PPP1R12A: variants seen among roughly 807,000 people sequenced by gnomAD.
PPP1R12A encodes myosin binding subunit.
In PPP1R12A, 19 loss-of-function variants were observed where a neutral mutation model predicts 139.6. The ratio of observed to expected loss-of-function variants is 0.14; its 90% CI spans 0.09 to 0.20. PPP1R12A has a LOEUF of 0.20. Among genes scored for constraint, PPP1R12A ranks in the 10% least tolerant of loss-of-function variants. The pLI is 1.00. For missense variants in PPP1R12A, 925 were observed against 1,211.5 expected, an observed-to-expected ratio of 0.76 and a Z score of 3.51; for synonymous variants, 427 against 420.6, an observed-to-expected ratio of 1.02 and a Z score of -0.19.
chr12:79,920,212 C>A (rs1182184154), intron 1 of PPP1R12A, among the ~76,000 whole-genome samples: 1 of 152,164 alleles, frequency 6.6e-6, no homozygotes, highest in African/African-American at 2.4e-5. Flanking sequence ...CTTTTTGCTA[C>A]TGAATAATAT....
At chr12:79,933,204 A>G (rs1888380457) in intron 1 of PPP1R12A, among the ~76,000 whole-genome samples, 1 of 152,206 alleles carries the variant, frequency 6.6e-6, no homozygotes, top group South Asian at 2.1e-4. Flanking sequence ...CTATATTTTT[A>G]CTGGGTGCCA....
At chr12:79,832,280 G>T in intron 4 of PPP1R12A, 52 bp downstream of exon 4, 1 of 1,494,784 alleles carries the variant, frequency 6.7e-7, no homozygotes, top group Non-Finnish European at 9.0e-7. Flanking sequence ...AAGGAACAAT[G>T]AATAAAGAAG....
chr12:79,855,197 C>T (rs904037647), intron 2 of PPP1R12A, among the ~76,000 whole-genome samples: 3 of 151,954 alleles, frequency 2.0e-5, no homozygotes, highest in Non-Finnish European at 4.4e-5. Context: ...ACCGTGTTAG[C>T]CAGGATGGCC....
rs34970906 is a variant in PPP1R12A, at chr12:79,896,002, A to AT, written c.238-23065dup. Among the ~76,000 whole-genome samples, 35 of 150,556 alleles carry AT rather than the reference A, an allele frequency of 2.3e-4. 2 individuals carry two copies. The highest frequency in any genetic ancestry group is 8.5e-4 in the African/African-American group (35 of 41,086). Reference sequence around the variant, plus strand: ...TAAAGAAATGGTGAAGGTTAAAACAATTTTTTTTTTTAAAAGAGGAGTAGT... The same window carrying AT: ...TAAAGAAATGGTGAAGGTTAAAACAATTTTTTTTTTTTAAAAGAGGAGTAGT... On this transcript the variant is annotated intron_variant, in intron 1 of 24. Transcript: ENST00000450142.
intron 1 of PPP1R12A, among the ~76,000 whole-genome samples, chr12:79,904,129 C>T (rs1388824228): frequency 6.6e-6 from 1 of 151,636 alleles, no homozygotes; most frequent in African/African-American, 2.4e-5. Flanking sequence ...GCAGGAGAAT[C>T]GCTTGAACCC....
At chr12:79,843,000 T>G (rs1878922420) in intron 3 of PPP1R12A, among the ~76,000 whole-genome samples, 1 of 152,188 alleles carries the variant, frequency 6.6e-6, no homozygotes, top group African/African-American at 2.4e-5. Context: ...ATTTTCTCTA[T>G]GAATTTGACT....
chr12:79,916,422 A>C (rs1887003153), intron 1 of PPP1R12A, among the ~76,000 whole-genome samples: 1 of 152,166 alleles, frequency 6.6e-6, no homozygotes, highest in Admixed American at 6.5e-5. Context: ...TTATACATTC[A>C]TAAAGAATGG....
At chr12:79,896,671 G>T (rs1051019273) in intron 1 of PPP1R12A, among the ~76,000 whole-genome samples, 5 of 152,128 alleles carry the variant, frequency 3.3e-5, no homozygotes, top group African/African-American at 1.2e-4. Context: ...TTTCTCTTTA[G>T]TTCGTAAAGG....
chr12:79,935,092 A>G lies in PPP1R12A; in HGVS notation c.-161T>C. The G allele has an allele frequency of 7.3e-7, 1 of 1,375,156 alleles. No homozygotes were observed. Among genetic ancestry groups the G allele is most frequent in the South Asian group, 1.7e-5 (1 of 60,260 alleles). The allele number at this position is 1,375,156 out of a possible 1,614,324, so 85.2% of individuals were successfully genotyped here. A position where few individuals can be genotyped will look rare whatever the true frequency, so the allele number is the denominator to read the frequency against. On this transcript the variant is annotated 5_prime_UTR_variant, in exon 1 of 25. Coordinates refer to ENST00000450142, the MANE Select transcript of PPP1R12A (RefSeq NM_002480.3). ...GCTCGAGACTTCCAGTATCCCACAGAGCACTGGGGCGGCGCACCCGGCCGA... is the reference window on the plus strand; with the variant it reads ...GCTCGAGACTTCCAGTATCCCACAGGGCACTGGGGCGGCGCACCCGGCCGA...
intron 1 of PPP1R12A, 90 bp downstream of exon 1, chr12:79,934,605 C>A: frequency 1.7e-6 from 2 of 1,209,730 alleles, no homozygotes; most frequent in South Asian, 1.6e-5. Context: ...CCGCCCCCAG[C>A]CTCAAGAGGT....
chr12:79,812,391 C>CGTGTGTGCGTGTGT (rs1555202886), intron 9 of PPP1R12A, among the ~76,000 whole-genome samples: 1 of 134,510 alleles, frequency 7.4e-6, no homozygotes, highest in African/African-American at 2.9e-5. Flanking sequence ...TCTGTGTGTG[C>CGTGTGTGCGTGTGT]GTGTGTGTGT....
intron 1 of PPP1R12A, among the ~76,000 whole-genome samples, chr12:79,908,191 T>G (rs1310158179): frequency 6.6e-6 from 1 of 152,180 alleles, no homozygotes; most frequent in Admixed American, 6.5e-5. Flanking sequence ...CCACAGTAAT[T>G]AAAGAGTAGA....
chr12:79,905,383 T>A (rs1207236631), intron 1 of PPP1R12A, among the ~76,000 whole-genome samples: 1 of 126,042 alleles, frequency 7.9e-6, no homozygotes, highest in Admixed American at 1.1e-4. Flanking sequence ...CATCCAAATC[T>A]GTTTCCCTGT....
chr12:79,930,298 C>A (rs568929590), intron 1 of PPP1R12A, among the ~76,000 whole-genome samples: 80 of 152,154 alleles, frequency 5.3e-4, no homozygotes, highest in South Asian at 1.5e-3. Flanking sequence ...GGATACAACA[C>A]AATGGAGATG....
At chr12:79,790,588 C>T (rs189300324) in intron 19 of PPP1R12A, 105 bp from the exon 20 acceptor site, 98 of 752,222 alleles carry the variant, frequency 1.3e-4, no homozygotes, top group Middle Eastern at 7.6e-4. Flanking sequence ...TAGAAGCAAA[C>T]GAATGAACAC....
chr12:79,775,380 A>G lies in PPP1R12A; in HGVS notation c.*549T>C, dbSNP rs1264939076. 1 of 152,476 alleles carries G rather than the reference A, an allele frequency of 6.6e-6. No individual in the cohort carries two copies. The highest frequency in any genetic ancestry group is 2.4e-5 in the African/African-American group (1 of 41,458). The allele number at this position is 152,476 out of a possible 1,614,324, so 9.4% of individuals were successfully genotyped here. A position where few individuals can be genotyped will look rare whatever the true frequency, so the allele number is the denominator to read the frequency against. ...AGAAGAGCAAGTGTTCTTTTCTGTAATGAAAAAGCTGTGAAAACATAGAAG... is the reference window on the plus strand; with the variant it reads ...AGAAGAGCAAGTGTTCTTTTCTGTAGTGAAAAAGCTGTGAAAACATAGAAG... On this transcript the variant is annotated 3_prime_UTR_variant, in exon 25 of 25. Coordinates refer to ENST00000450142, the MANE Select transcript of PPP1R12A (RefSeq NM_002480.3).
At chr12:79,778,063 AATT>A (rs1869956341) in intron 24 of PPP1R12A, among the ~76,000 whole-genome samples, 1 of 152,090 alleles carries the variant, frequency 6.6e-6, no homozygotes, top group Non-Finnish European at 1.5e-5. Flanking sequence ...TTCAAAACAT[AATT>A]ATTTCTATAG....
chr12:79,829,217 T>C (rs1007097481), intron 4 of PPP1R12A, among the ~76,000 whole-genome samples: 6 of 152,164 alleles, frequency 3.9e-5, no homozygotes, highest in African/African-American at 1.4e-4. Flanking sequence ...AGGATGGGTC[T>C]ATAAACTGCA....
intron 2 of PPP1R12A, among the ~76,000 whole-genome samples, chr12:79,851,524 C>T (rs1880038853): frequency 6.6e-6 from 1 of 152,086 alleles, no homozygotes; most frequent in Admixed American, 6.6e-5. Flanking sequence ...AACTATTTAT[C>T]CCCCCTCTGG....
Sources: gnomAD v4.1 joint callset for allele counts (sites outside exome capture counted in the v4.1 genomes callset) on GRCh38, gnomAD v4.1.1 for gene constraint, MANE v1.5 for transcripts, NCBI Gene and HGNC (gene_info 2026-07-23, HGNC 2026-07-21) for gene names.